The following UNC93A variants were observed in gnomAD, a reference collection of about 807,000 sequenced individuals.
UNC93A encodes unc-93 homolog A, also known as N-acetylglucosamine transporter UNC93A.
UNC93A carries 43 observed loss-of-function variants against 47.5 expected under a neutral mutation model. The ratio of observed to expected loss-of-function variants is 0.91; its 90% CI spans 0.71 to 1.17. The LOEUF is 1.17. UNC93A is among the 50% of genes most tolerant of loss of function. The pLI is 0.00. For missense variants in UNC93A, 605 were observed against 577.6 expected (o/e 1.05, Z -0.49); for synonymous variants, 280 against 258.0 (o/e 1.09, Z -0.82).
intron 1 of UNC93A, among the ~76,000 whole-genome samples, chr6:167,275,832 G>A (rs1783530268): frequency 6.6e-6 from 1 of 152,216 alleles, no homozygotes; most frequent in African/African-American, 2.4e-5. Flanking sequence ...TTGGACCTGA[G>A]CTAATCTCTC....
intron 6 of UNC93A, among the ~76,000 whole-genome samples, chr6:167,307,003 C>G (rs985759636): frequency 6.6e-6 from 1 of 152,198 alleles, no homozygotes; most frequent in Non-Finnish European, 1.5e-5. Context: ...CCTGGGGGGT[C>G]TGTGGCCTCC....
chr6:167,293,869 C>A (rs2115116278), intron 1 of UNC93A, among the ~76,000 whole-genome samples: 1 of 152,318 alleles, frequency 6.6e-6, no homozygotes, highest in East Asian at 1.9e-4. Flanking sequence ...CTTCTCCCCA[C>A]CCTGCCCTGG....
intron 5 of UNC93A, among the ~76,000 whole-genome samples, chr6:167,305,480 G>A (rs907504352): frequency 2.0e-5 from 3 of 152,142 alleles, no homozygotes; most frequent in Non-Finnish European, 2.9e-5. Context: ...TGAGACACAT[G>A]TGCAGCCGGC....
Position 167,298,048 on chromosome 6 carries a change from C to T in UNC93A, c.603C>T (p.Tyr201=), listed in dbSNP as rs1432627714. 2 of 1,613,640 alleles carry T rather than the reference C, an allele frequency of 1.2e-6. No individual in the cohort carries two copies. The highest frequency in any genetic ancestry group is 1.7e-6 in the Non-Finnish European group (2 of 1,179,940). ...AGAGGCCCTCCCAGCAGCTGGTCTA[C>T]ACCCTCCTGGGCATCTACACTGGTA... ...STQRPSQQLV[Y]TLLGIYTGSG... The change falls in exon 4 of 8, where the codon TAC becomes TAT. Residue 201 remains tyrosine, a synonymous_variant. Transcript: ENST00000230256.
At chr6:167,305,603 C>G in intron 5 of UNC93A, among the ~76,000 whole-genome samples, 1 of 152,108 alleles carries the variant, frequency 6.6e-6, no homozygotes, top group Non-Finnish European at 1.5e-5. Context: ...ATGATTGGCC[C>G]CAGCAAGGGC....
chr6:167,305,410 T>C (rs1227592111), intron 5 of UNC93A, among the ~76,000 whole-genome samples: 1 of 152,186 alleles, frequency 6.6e-6, no homozygotes, highest in Non-Finnish European at 1.5e-5. Context: ...CTCGTCTCAG[T>C]CCCTGTTCTG....
chr6:167,306,066 G>T lies in UNC93A; in HGVS notation c.976+16G>T, dbSNP rs766966775. 1.9e-6 allele frequency: 3 copies of T among 1,613,520 alleles called. No homozygotes were observed. The highest frequency in any genetic ancestry group is 3.3e-5 in the Admixed American group (2 of 60,016). Reference sequence around the variant, plus strand: ...TACGTGCTGGGTAGGTATCAGCGTGGGTCCCATCCCAGCTGTCATAACGAT... The same window carrying T: ...TACGTGCTGGGTAGGTATCAGCGTGTGTCCCATCCCAGCTGTCATAACGAT... On this transcript the variant is annotated intron_variant, in intron 6 of 7. Transcript: ENST00000230256.
rs1245525510 is a variant in UNC93A at position 167,307,889 on chromosome 6, G to A, written c.1087G>A (p.Val363Ile). ...FSGLWGVADA[V>I]WQTQNNALYG... ...TGGCCTGTGGGGCGTGGCAGATGCC[G>A]TCTGGCAGACACAAAACAATGGTGA... Residue 363 changes from valine to isoleucine, a missense_variant, in exon 7 of 8, where the codon GTC (valine) becomes ATC (isoleucine). Val to Ile is a conservative substitution (Grantham distance 29, BLOSUM62 3). Transcript: ENST00000230256. 20 of 1,613,734 alleles carry A rather than the reference G, an allele frequency of 1.2e-5. No individual in the cohort carries two copies. Among genetic ancestry groups the A allele is most frequent in the Admixed American group, 1.7e-5 (1 of 60,004 alleles).
At chr6:167,312,913 C>G (rs1389059545) in intron 7 of UNC93A, among the ~76,000 whole-genome samples, 1 of 152,356 alleles carries the variant, frequency 6.6e-6, no homozygotes, top group East Asian at 1.9e-4. Flanking sequence ...CTCTCCTCCC[C>G]TAGACTGGGC....
chr6:167,314,027 A>C (rs1011808611), intron 7 of UNC93A, among the ~76,000 whole-genome samples: 1 of 152,178 alleles, frequency 6.6e-6, no homozygotes, highest in African/African-American at 2.4e-5. Context: ...TGTGAATCTT[A>C]GGGCTCTAGC....
At chr6:167,302,969 C>T (rs970445925) in intron 4 of UNC93A, among the ~76,000 whole-genome samples, 5 of 152,170 alleles carry the variant, frequency 3.3e-5, no homozygotes, top group Admixed American at 6.5e-5. Context: ...CTCTGTCCAG[C>T]GTGTCCGCAC....
intron 4 of UNC93A, among the ~76,000 whole-genome samples, chr6:167,300,367 C>G (rs920306239): frequency 1.3e-5 from 2 of 152,120 alleles, no homozygotes; most frequent in Non-Finnish European, 2.9e-5. Flanking sequence ...TGGAAGGAGA[C>G]AGAAAACCAA....
chr6:167,295,493 C>CCCTCGTGCTCCTTGCCTG (rs1583075262), intron 2 of UNC93A, among the ~76,000 whole-genome samples: 3 of 91,358 alleles, frequency 3.3e-5, no homozygotes, highest in Non-Finnish European at 5.8e-5. Flanking sequence ...AACCTCGCCT[C>CCCTCGTGCTCCTTGCCTG]CCTCGTGATC....
At chr6:167,294,766 A>AAATGCAACT in intron 2 of UNC93A, 68 bp downstream of exon 2, 1 of 1,492,982 alleles carries the variant, frequency 6.7e-7, no homozygotes, top group Non-Finnish European at 9.0e-7. Flanking sequence ...TTCACTCTGC[A>AAATGCAACT]CATGAGTTGC....
chr6:167,294,655 T>C lies in UNC93A; in HGVS notation c.226T>C (p.Cys76Arg). 6.2e-7 allele frequency: 1 copy of C among 1,609,088 alleles called. No homozygotes were observed. The highest frequency in any genetic ancestry group is 1.3e-5 in the African/African-American group (1 of 74,910). ...CAAGGGGACCATCATCCTCTCCATG[T>C]GTGGCTACGTGGCCTTCTCCGTGGG... Reference protein sequence around the residue: ...GCKGTIILSMCGYVAFSVGNF... With the variant: ...GCKGTIILSMRGYVAFSVGNF... The change falls in exon 2 of 8, where the codon TGT becomes CGT. Residue 76 changes from cysteine to arginine, a missense_variant. Transcript: ENST00000230256.
chr6:167,308,691 G>A (rs1386949520), intron 7 of UNC93A, among the ~76,000 whole-genome samples: 8 of 151,948 alleles, frequency 5.3e-5, no homozygotes, highest in Admixed American at 2.0e-4. Flanking sequence ...GTCCCCAAGT[G>A]TGGGGCCAGC....
intron 1 of UNC93A, among the ~76,000 whole-genome samples, chr6:167,279,713 A>G (rs1783600927): frequency 6.6e-6 from 1 of 152,192 alleles, no homozygotes; most frequent in Admixed American, 6.5e-5. Flanking sequence ...TTCCACAGAA[A>G]AATGTGCGTA....
intron 5 of UNC93A, among the ~76,000 whole-genome samples, chr6:167,304,859 T>C (rs1778337419): frequency 6.6e-6 from 1 of 152,228 alleles, no homozygotes; most frequent in African/African-American, 2.4e-5. Context: ...CATGAGCCAC[T>C]GTGCCTGGCA....
rs377597089 is a variant in UNC93A at position 167,306,486 on chromosome 6, C to G, written c.976+436C>G. ...AGGACAAGACTTCTAAGGCCACAGA[C>G]TCCTCCCTAAACACACAGCACCTTC... is the stretch of plus-strand genomic sequence containing the variant. On this transcript the variant is annotated intron_variant, in intron 6 of 7. Coordinates refer to ENST00000230256, the MANE Select transcript of UNC93A (RefSeq NM_018974.4). Among the ~76,000 whole-genome samples, 4 of 152,222 alleles carry G rather than the reference C, an allele frequency of 2.6e-5. No homozygotes were observed. In the East Asian group the frequency reaches 7.7e-4, roughly 29 times the overall value.
Sources: gnomAD v4.1 joint callset for allele counts (sites outside exome capture counted in the v4.1 genomes callset) on GRCh38, gnomAD v4.1.1 for gene constraint, MANE v1.5 for transcripts, NCBI Gene and HGNC (gene_info 2026-07-23, HGNC 2026-07-21) for gene names.